The following MRPS35 variants were observed in gnomAD, a reference collection of about 807,000 sequenced individuals.
MRPS35 encodes the protein mitochondrial ribosomal protein S35.
A neutral mutation model predicts 32.7 loss-of-function variants in MRPS35; 29 were observed. The observed-to-expected ratio is 0.89, with a 90% CI of 0.66 to 1.21. The LOEUF (loss-of-function observed/expected upper bound fraction) is 1.21. Ranked by LOEUF, MRPS35 falls within the 50% of genes most tolerant of loss-of-function variation. The pLI, the probability that MRPS35 is intolerant of heterozygous loss-of-function variation, is 0.00. For missense variants in MRPS35, 373 were observed against 383.8 expected (o/e 0.97, Z 0.23); for synonymous variants, 148 against 139.3 (o/e 1.06, Z -0.44).
rs1298970274 is a variant in MRPS35 at position 27,733,026 on chromosome 12, A to ATC, written c.523-2420_523-2419insCT. On this transcript the variant is annotated intron_variant, in intron 5 of 7. Transcript: ENST00000081029. Reference sequence around the variant, plus strand: ...TATATATATATATATATATATATATATATATATATATATATCCAGCACCTC... The same window carrying ATC: ...TATATATATATATATATATATATATATCTATATATATATATATCCAGCACCTC... 2.1e-4 allele frequency among the ~76,000 whole-genome samples: 28 copies of ATC among 132,942 alleles called. No homozygotes were observed. The East Asian group carries it at 3.4e-3, about 16-fold the overall frequency. 87.2% of individuals were successfully genotyped at this position (132,942 alleles called of 152,430 possible).
At chr12:27,719,150 A>G (rs907644137) in intron 3 of MRPS35, among the ~76,000 whole-genome samples, 2 of 152,192 alleles carry the variant, frequency 1.3e-5, no homozygotes, top group African/African-American at 4.8e-5. Context: ...TATAAAGGAA[A>G]TATACATGTA....
intron 5 of MRPS35, among the ~76,000 whole-genome samples, chr12:27,731,560 CTTAAT>C (rs1385469403): frequency 6.6e-6 from 1 of 151,896 alleles, no homozygotes; most frequent in Non-Finnish European, 1.5e-5. Flanking sequence ...CAATTTTTTT[CTTAAT>C]TTAATATAAC....
chr12:27,711,711 C>T (rs936828320), intron 1 of MRPS35, among the ~76,000 whole-genome samples: 3 of 151,464 alleles, frequency 2.0e-5, no homozygotes, highest in African/African-American at 7.3e-5. Flanking sequence ...CTCTTGCTCT[C>T]CTACATTGAA....
chr12:27,742,301 A>G (rs972163369), intron 7 of MRPS35, among the ~76,000 whole-genome samples: 4 of 152,204 alleles, frequency 2.6e-5, no homozygotes, highest in African/African-American at 9.7e-5. Flanking sequence ...AATGTTTGCT[A>G]TGTTTGTTCT....
chr12:27,715,339 G>A (rs913293381), intron 2 of MRPS35, among the ~76,000 whole-genome samples: 2 of 152,224 alleles, frequency 1.3e-5, no homozygotes, highest in East Asian at 3.9e-4. Context: ...TTTTCACCAT[G>A]TTGGTCAGGC....
chr12:27,732,607 C>T (rs2061925795), intron 5 of MRPS35, among the ~76,000 whole-genome samples: 1 of 152,020 alleles, frequency 6.6e-6, no homozygotes, highest in South Asian at 2.1e-4. Context: ...TGAAGGTAGT[C>T]AACTGTTAGA....
At chr12:27,715,884 C>G (rs1300513011) in intron 2 of MRPS35, among the ~76,000 whole-genome samples, 1 of 152,038 alleles carries the variant, frequency 6.6e-6, no homozygotes, top group Non-Finnish European at 1.5e-5. Context: ...ATTATTTTTT[C>G]CTTTTCTTTT....
chr12:27,719,624 C>A (rs1353031641), intron 3 of MRPS35, among the ~76,000 whole-genome samples, 184 bp from the exon 4 acceptor site: 1 of 151,154 alleles, frequency 6.6e-6, no homozygotes, highest in African/African-American at 2.4e-5. Flanking sequence ...CGAGATTGCG[C>A]CACTGCAGTC....
At position 27,714,413 on chromosome 12, in the gene MRPS35, C is replaced by CT. The variant is rs532230502; in HGVS notation, c.113-366dup. Among the ~76,000 whole-genome samples, 54 of 152,152 alleles carry CT rather than the reference C, an allele frequency of 3.5e-4. 1 individual carries two copies. The highest frequency in any genetic ancestry group is 1.2e-3 in the African/African-American group (50 of 41,494). ...CCAGCCTGGCCAACATGGTGAAACT[C>CT]TATCTCTACTAAAAATACAAAAATT... On this transcript the variant is annotated intron_variant, in intron 1 of 7. Transcript: ENST00000081029.
intron 5 of MRPS35, among the ~76,000 whole-genome samples, chr12:27,732,170 A>G (rs2061924534): frequency 6.6e-6 from 1 of 152,212 alleles, no homozygotes. Context: ...TTGTGTGTTG[A>G]AAAATCTCTG....
chr12:27,733,576 C>A (rs1267051142), intron 5 of MRPS35, among the ~76,000 whole-genome samples: 1 of 152,176 alleles, frequency 6.6e-6, no homozygotes, highest in Non-Finnish European at 1.5e-5. Context: ...TTTTCTCTCC[C>A]TGTTCCCTCT....
At chr12:27,719,615 G>A (rs1175646031) in intron 3 of MRPS35, among the ~76,000 whole-genome samples, 193 bp from the exon 4 acceptor site, 2 of 150,646 alleles carry the variant, frequency 1.3e-5, no homozygotes, top group Admixed American at 6.6e-5. Flanking sequence ...GCAGTGAGCC[G>A]AGATTGCGCC....
In MRPS35 at chr12:27,742,224, G is replaced by A. The variant is rs141562075; in HGVS notation, c.702+4616G>A. Among the ~76,000 whole-genome samples the A allele has an allele frequency of 7.0e-4, 106 of 152,206 alleles. 1 individual carries two copies. Among genetic ancestry groups the A allele is most frequent in the Non-Finnish European group, 1.3e-3 (87 of 68,016 alleles). On this transcript the variant is annotated intron_variant, in intron 7 of 7. Coordinates refer to ENST00000081029, the MANE Select transcript of MRPS35 (RefSeq NM_021821.4). ...AGCCATAATCACCATTTAATCTGTCGGATTTATGAGTTCATTTTGATTGTG... is the reference window on the plus strand; with the variant it reads ...AGCCATAATCACCATTTAATCTGTCAGATTTATGAGTTCATTTTGATTGTG...
intron 5 of MRPS35, 120 bp downstream of exon 5, chr12:27,724,306 A>G: frequency 1.2e-6 from 1 of 847,166 alleles, no homozygotes; most frequent in Non-Finnish European, 1.6e-6. Flanking sequence ...TGGGAGGCCA[A>G]GGTGGGAGAA....
chr12:27,738,699 A>C (rs1177087119), intron 7 of MRPS35, among the ~76,000 whole-genome samples: 1 of 152,214 alleles, frequency 6.6e-6, no homozygotes, highest in East Asian at 1.9e-4. Context: ...TCAAAGGAAT[A>C]AAGTTAGCTG....
chr12:27,738,681 A>G (rs1172640295), intron 7 of MRPS35, among the ~76,000 whole-genome samples: 1 of 152,226 alleles, frequency 6.6e-6, no homozygotes, highest in South Asian at 2.1e-4. Context: ...ATTTCATACT[A>G]GGAACATTCA....
chr12:27,724,218 TAAG>T (rs1565466089), intron 5 of MRPS35, 32 bp downstream of exon 5: 2 of 1,510,818 alleles, frequency 1.3e-6, no homozygotes, highest in Admixed American at 2.3e-5. Flanking sequence ...TTTTTTTAAA[TAAG>T]AATCATTCTA....
intron 7 of MRPS35, among the ~76,000 whole-genome samples, chr12:27,749,454 CCT>C (rs1361866523): frequency 5.9e-5 from 9 of 152,140 alleles, no homozygotes; most frequent in Non-Finnish European, 8.8e-5. Flanking sequence ...GAAATAAAGA[CCT>C]CTTGTTTCTG....
chr12:27,749,143 T>G (rs1352216736), intron 7 of MRPS35, among the ~76,000 whole-genome samples: 1 of 152,150 alleles, frequency 6.6e-6, no homozygotes, highest in African/African-American at 2.4e-5. Flanking sequence ...GGATGATTTT[T>G]TTTTTCTTCT....
Sources: gnomAD v4.1 joint callset for allele counts (sites outside exome capture counted in the v4.1 genomes callset) on GRCh38, gnomAD v4.1.1 for gene constraint, MANE v1.5 for transcripts, NCBI Gene and HGNC (gene_info 2026-07-23, HGNC 2026-07-21) for gene names.